CHTF18: variants seen among roughly 807,000 people sequenced by gnomAD.
CHTF18 encodes chromosome transmission fidelity protein 18 homolog.
In CHTF18, 151 loss-of-function variants were observed where a neutral mutation model predicts 113.4. The observed-to-expected ratio is 1.33, with a 90% confidence interval of 1.17 to 1.52. The LOEUF is 1.52. Ranked by LOEUF, CHTF18 falls within the 40% of genes most tolerant of loss-of-function variation. The probability of loss-of-function intolerance (pLI) is 0.00; values close to 1 mark genes in which losing one functional copy is unlikely to be tolerated. For synonymous variants in CHTF18, 916 were observed against 598.8 expected (o/e 1.53, Z -7.74); for missense variants, 1,982 against 1,381.6 (o/e 1.43, Z -6.89).
At position 795,357 on chromosome 16, in the gene CHTF18, G is replaced by T. The variant is rs1229365351; in HGVS notation, c.2175+1G>T. ...CACCTTCCCCAGCAGCCAGCAGGAG[G>T]TGTGCTCGTCCCTGCACCACGCCTG... On this transcript the variant is annotated splice_donor_variant, in intron 16 of 21. Transcript: ENST00000262315. LOFTEE classifies it high-confidence loss of function. 1.9e-6 allele frequency: 3 copies of T among 1,545,476 alleles called. No individual in the cohort carries two copies. In the African/African-American group the frequency reaches 4.1e-5, roughly 21 times the overall value.
Position 788,987 on chromosome 16 carries a change from C to G in CHTF18, c.148C>G (p.Arg50Gly), listed in dbSNP as rs867933190. ...CCTGTTCACCGCGGGCCGACCCCCG[C>G]GGACGTTCGAGGAGGCCCTTGCCAG... ...VPLFTAGRPP[R>G]TFEEALARGD... The change falls in exon 2 of 22, where the codon CGG becomes GGG. Residue 50 changes from arginine to glycine, a missense_variant. Arg to Gly is a moderately radical substitution (Grantham distance 125). Transcript: ENST00000262315. The G allele has an allele frequency of 6.4e-7, 1 of 1,563,828 alleles. No individual in the cohort carries two copies. Among genetic ancestry groups the G allele is most frequent in the Middle Eastern group, 2.2e-4 (1 of 4,524 alleles).
rs1330177000 is a variant in CHTF18 at position 795,183 on chromosome 16, G to A, written c.2002G>A (p.Ala668Thr). ...GCGGCTGCGAGACTCCAGCCTGGGT[G>A]CTGTGTGTGTGGCCCTCGACTGGCT... The part of the protein sequence containing the change: ...RLRLRDSSLG[A>T]VCVALDWLAF... Residue 668 changes from alanine (A) to threonine (T), a missense_variant, in exon 16 of 22, where the codon GCT (alanine) becomes ACT (threonine). Physicochemically the swap from Ala to Thr is moderately conservative, Grantham distance 58 (BLOSUM62 0). Coordinates refer to ENST00000262315, the MANE Select transcript of CHTF18 (RefSeq NM_022092.3). 3.2e-6 allele frequency: 5 copies of A among 1,558,798 alleles called. No individual in the cohort carries two copies. The Admixed American group carries it at 9.5e-5, about 29-fold the overall frequency.
chr16:795,757 A>C lies in CHTF18; in HGVS notation c.2248A>C (p.Ser750Arg). 1 of 1,608,452 alleles carries C rather than the reference A, an allele frequency of 6.2e-7. No individual in the cohort carries two copies. ...GTCCGGCATCGCGCCAGCCACGCGCAGCCGGGCCACGCCCCAGGCCCTGCT... is the reference window on the plus strand; with the variant it reads ...GTCCGGCATCGCGCCAGCCACGCGCCGCCGGGCCACGCCCCAGGCCCTGCT... ...LVSGIAPATRSRATPQALLLD... is the reference protein window; with the variant it reads ...LVSGIAPATRRRATPQALLLD... The change falls in exon 17 of 22, where the codon AGC becomes CGC. Residue 750 changes from serine (S) to arginine (R), a missense_variant. Transcript: ENST00000262315.
chr16:790,942 T>C, intron 7 of CHTF18: 2 of 1,434,832 alleles, frequency 1.4e-6, no homozygotes, highest in South Asian at 3.0e-5. Context: ...GGAGTGCCCC[T>C]GGGGAGGGCA....
At chr16:794,587 C>T (rs1048230516) in intron 15 of CHTF18, 11 of 270,158 alleles carry the variant, frequency 4.1e-5, no homozygotes, top group East Asian at 1.6e-4. Context: ...TTCCTGCCGC[C>T]CTGCCCGCGG....
chr16:791,350 A>C lies in CHTF18; in HGVS notation c.1084A>C (p.Ser362Arg). Residue 362 changes from serine (S) to arginine (R), a missense_variant, in exon 8 of 22, where the codon AGC (serine) becomes CGC (arginine). Coordinates refer to ENST00000262315, the MANE Select transcript of CHTF18 (RefSeq NM_022092.3). ...GATGCTGGAGGCTGGGCTGGACCCG[A>C]GCCAGCGACCGAAGCAGAAGGTGAG... ...EEMLEAGLDP[S>R]QRPKQKVALL... 1 of 1,605,508 alleles carries C rather than the reference A, an allele frequency of 6.2e-7. No homozygotes were observed. The highest frequency in any genetic ancestry group is 1.7e-5 in the Admixed American group (1 of 59,722).
intron 14 of CHTF18, chr16:793,739 CGCTGGCCTGGGCCTGTGGGATGT>C (rs1274656799): frequency 4.6e-6 from 3 of 656,590 alleles, no homozygotes; most frequent in Non-Finnish European, 8.4e-6. Context: ...ATATGGGAGA[CGCTGGCCTGGGCCTGTGGGATGT>C]GCTGCTCCTG....
rs1423807648 is a variant in CHTF18, at chr16:792,523, G to T, written c.1411G>T (p.Gly471Cys). Residue 471 changes from glycine to cysteine, a missense_variant, in exon 11 of 22, where the codon GGC becomes TGC. Coordinates refer to ENST00000262315, the MANE Select transcript of CHTF18 (RefSeq NM_022092.3). ...GPQGPAVPSG[G>C]GRRRRAEGGL... ...ACAGGGCCCGGCTGTGCCTTCGGGA[G>T]GCGGCCGACGGCGCCGGGCAGAGGG... is the stretch of plus-strand genomic sequence containing the variant. 1 of 1,592,824 alleles carries T rather than the reference G, an allele frequency of 6.3e-7. No individual in the cohort carries two copies. The highest frequency in any genetic ancestry group is 8.5e-7 in the Non-Finnish European group (1 of 1,173,362).
At chr16:789,968 C>T (rs756383680) in intron 4 of CHTF18, 133 of 1,534,574 alleles carry the variant, frequency 8.7e-5, no homozygotes, top group Non-Finnish European at 1.1e-4. Flanking sequence ...TTGCCCTTTC[C>T]TCCTTTCTCC....
intron 15 of CHTF18, chr16:794,583 C>T (rs1346249770): frequency 1.5e-5 from 4 of 271,712 alleles, no homozygotes; most frequent in Admixed American, 1.5e-4. Flanking sequence ...GGGCTTCCTG[C>T]CGCCCTGCCC....
chr16:789,551 T>G lies in CHTF18; in HGVS notation c.442T>G (p.Ser148Ala). The change falls in exon 4 of 22, where the codon TCA (serine) becomes GCA (alanine). Residue 148 changes from serine (S) to alanine (A), a missense_variant. Transcript: ENST00000262315. ...TGAGCCCCGGTCTCTCTCCAGAGTC[T>G]CAGAAGCTGCTGCCGACGTGGGTCT... ...DLAELWGHGV[S>A]EAAADVGLTR... is the part of the protein sequence containing the mutation. The G allele has an allele frequency of 6.2e-7, 1 of 1,600,690 alleles. No individual in the cohort carries two copies. Among genetic ancestry groups the G allele is most frequent in the Non-Finnish European group, 8.5e-7 (1 of 1,174,438 alleles).
intron 3 of CHTF18, 58 bp downstream of exon 3, chr16:789,418 C>T: frequency 7.8e-6 from 12 of 1,534,354 alleles, no homozygotes; most frequent in South Asian, 6.3e-5. Context: ...TCAGATGGAG[C>T]CCATCCCGTG....
chr16:793,458 T>TG (rs751294843), intron 14 of CHTF18, among the ~76,000 whole-genome samples, 184 bp downstream of exon 14: 5 of 152,020 alleles, frequency 3.3e-5, no homozygotes, highest in Non-Finnish European at 4.4e-5. Flanking sequence ...CCTACAGCCT[T>TG]GGGGGGTCAG....
intron 20 of CHTF18, 77 bp from the exon 21 acceptor site, chr16:797,617 T>G: frequency 6.6e-7 from 1 of 1,520,654 alleles, no homozygotes; most frequent in South Asian, 1.2e-5. Context: ...CTGGGAAGGC[T>G]CTCGGTCCTC....
chr16:795,903 G>C, intron 17 of CHTF18, 44 bp from the exon 18 acceptor site: 1 of 1,601,214 alleles, frequency 6.2e-7, no homozygotes, highest in East Asian at 2.2e-5. Flanking sequence ...GCACACATTT[G>C]TACAGCCTGC....
chr16:791,519 T>C (rs2042195088), intron 8 of CHTF18, 149 bp downstream of exon 8: 1 of 1,438,314 alleles, frequency 7.0e-7, no homozygotes, highest in Non-Finnish European at 9.1e-7. Flanking sequence ...GAGTTAGAAC[T>C]GGAGCGTTGC....
At position 790,592 on chromosome 16, in the gene CHTF18, C is replaced by G; in HGVS notation, c.820C>G (p.Gln274Glu). ...CCCTGAGGAGGAGCCGACTGACGGTCAAGACGCCTCCAGTCACTGCCTCTG... is the reference window on the plus strand; with the variant it reads ...CCCTGAGGAGGAGCCGACTGACGGTGAAGACGCCTCCAGTCACTGCCTCTG... Reference protein sequence around the residue: ...GAPEEEPTDGQDASSHCLWVD... With the variant: ...GAPEEEPTDGEDASSHCLWVD... The change falls in exon 7 of 22, where the codon CAA (glutamine) becomes GAA (glutamate). Residue 274 changes from glutamine (Q) to glutamate (E), a missense_variant. Gln to Glu is a conservative substitution (Grantham distance 29). Transcript: ENST00000262315. 6.3e-7 allele frequency: 1 copy of G among 1,597,260 alleles called. No individual in the cohort carries two copies. The highest frequency in any genetic ancestry group is 8.5e-7 in the Non-Finnish European group (1 of 1,173,008).
At chr16:797,404 G>C (rs2042381936) in intron 20 of CHTF18, among the ~76,000 whole-genome samples, 1 of 152,106 alleles carries the variant, frequency 6.6e-6, no homozygotes, top group African/African-American at 2.4e-5. Flanking sequence ...GTGCCCTAAG[G>C]GGGGCTCTGA....
rs746734598 is a variant in CHTF18, at chr16:792,726, C to T, written c.1487C>T (p.Pro496Leu). Residue 496 changes from proline to leucine, a missense_variant, in exon 12 of 22, where the codon CCG (proline) becomes CTG (leucine). By Grantham distance (98) the Pro-to-Leu change is moderately conservative. Transcript: ENST00000262315. Reference sequence around the variant, plus strand: ...CTGCCGCCTCTCCTCAGGTTCGCACCGTCCCTGCGGCAGCTGAAGCAGCAG... The same window carrying T: ...CTGCCGCCTCTCCTCAGGTTCGCACTGTCCCTGCGGCAGCTGAAGCAGCAG... ...IICICNDQFA[P>L]SLRQLKQQAF... is the part of the protein sequence containing the mutation. The T allele has an allele frequency of 2.1e-5, 33 of 1,560,586 alleles. No homozygotes were observed. The highest frequency in any genetic ancestry group is 2.7e-5 in the African/African-American group (2 of 73,768).
Sources: gnomAD v4.1 joint callset for allele counts (sites outside exome capture counted in the v4.1 genomes callset) on GRCh38, gnomAD v4.1.1 for gene constraint, MANE v1.5 for transcripts, NCBI Gene and HGNC (gene_info 2026-07-23, HGNC 2026-07-21) for gene names.